SKAP2: variants seen among roughly 807,000 people sequenced by gnomAD.
SKAP2 encodes src kinase associated phosphoprotein 2.
Under a neutral mutation model 54.9 loss-of-function variants are expected in SKAP2, and 28 were observed. That is an observed-to-expected ratio of 0.51 (90% CI 0.38 to 0.70). SKAP2 has a LOEUF of 0.70. Among genes scored for constraint, SKAP2 ranks in the 30% least tolerant of loss-of-function variants. The probability of loss-of-function intolerance (pLI) is 0.00; values close to 1 mark genes in which losing one functional copy is unlikely to be tolerated. For missense variants in SKAP2, 356 were observed against 424.1 expected, an observed-to-expected ratio of 0.84 and a Z score of 1.41; for synonymous variants, 137 against 134.3, an observed-to-expected ratio of 1.02 and a Z score of -0.14.
the SKAP2 span, among the ~76,000 whole-genome samples, chr7:26,662,040 T>C: frequency 2.6e-4 from 40 of 152,184 alleles, no homozygotes; most frequent in African/African-American, 8.7e-4. Flanking sequence ...TGACTCCAAT[T>C]CCAGTGTTCT....
intron 4 of SKAP2, among the ~76,000 whole-genome samples, chr7:26,799,026 G>C (rs1486209055): frequency 6.7e-6 from 1 of 148,766 alleles, no homozygotes; most frequent in Non-Finnish European, 1.5e-5. Context: ...GAAGGAAAAA[G>C]GGGAGGGGAA....
intron 1 of SKAP2, chr7:26,857,310 TA>T (rs59046895): frequency 0.069 from 6,239 of 91,010 alleles, 225 homozygotes; most frequent in African/African-American, 0.1. Context: ...CTGCTTTGCT[TA>T]AAAAAAAAAA....
chr7:26,708,370 G>A (rs1400739807), intron 9 of SKAP2, among the ~76,000 whole-genome samples: 1 of 151,552 alleles, frequency 6.6e-6, no homozygotes, highest in Non-Finnish European at 1.5e-5. Context: ...TATTGTAGGG[G>A]CAAAAAAAAT....
At chr7:26,716,399 T>G (rs1787440142) in intron 9 of SKAP2, among the ~76,000 whole-genome samples, 1 of 152,208 alleles carries the variant, frequency 6.6e-6, no homozygotes, top group Admixed American at 6.5e-5. Flanking sequence ...AAATTCCATA[T>G]TATCTGATGT....
intron 4 of SKAP2, among the ~76,000 whole-genome samples, chr7:26,765,651 T>C (rs1448611314): frequency 2.6e-5 from 4 of 152,230 alleles, no homozygotes; most frequent in African/African-American, 9.6e-5. Context: ...TTGTATAATG[T>C]GTAAGGAAGG....
chr7:26,812,921 T>G (rs1219263304), intron 4 of SKAP2, among the ~76,000 whole-genome samples: 2 of 152,166 alleles, frequency 1.3e-5, no homozygotes, highest in African/African-American at 4.8e-5. Context: ...AAATTTATCT[T>G]TTCTCACTTG....
chr7:26,760,478 T>C (rs1362701511), intron 4 of SKAP2, among the ~76,000 whole-genome samples: 3 of 152,132 alleles, frequency 2.0e-5, no homozygotes, highest in Non-Finnish European at 4.4e-5. Context: ...TAGTACCGAA[T>C]CCTACATATA....
chr7:26,841,272 A>G (rs1162386656), intron 4 of SKAP2, among the ~76,000 whole-genome samples: 2 of 152,038 alleles, frequency 1.3e-5, no homozygotes, highest in Non-Finnish European at 2.9e-5. Flanking sequence ...TCAGCTCACA[A>G]TAACCTACAA....
chr7:26,778,424 C>T (rs972684293), intron 4 of SKAP2, among the ~76,000 whole-genome samples: 4 of 151,930 alleles, frequency 2.6e-5, no homozygotes, highest in South Asian at 4.2e-4. Flanking sequence ...ACTATGATTC[C>T]GCTAACAATC....
chr7:26,687,018 C>A (rs1786659685), intron 10 of SKAP2, among the ~76,000 whole-genome samples: 3 of 152,036 alleles, frequency 2.0e-5, no homozygotes. Context: ...GCTGTCCAGG[C>A]TGCTCTTCCT....
chr7:26,832,926 T>A (rs1468295736), intron 4 of SKAP2, among the ~76,000 whole-genome samples: 1 of 152,138 alleles, frequency 6.6e-6, no homozygotes, highest in Non-Finnish European at 1.5e-5. Flanking sequence ...CTTGGGTCCA[T>A]CCTCAAAAGC....
intron 11 of SKAP2, among the ~76,000 whole-genome samples, chr7:26,683,740 A>G (rs564562008): frequency 6.6e-6 from 1 of 152,294 alleles, no homozygotes; most frequent in South Asian, 2.1e-4. Flanking sequence ...TCTCTGTGTT[A>G]TGATTTTATG....
chr7:26,809,698 T>G (rs1413386394), intron 4 of SKAP2, among the ~76,000 whole-genome samples: 1 of 152,156 alleles, frequency 6.6e-6, no homozygotes, highest in Non-Finnish European at 1.5e-5. Context: ...AGTATGGAGC[T>G]TCCCCCAAAA....
chr7:26,799,092 G>GGGCAAGGCAAGGCAA (rs1382052905), intron 4 of SKAP2, among the ~76,000 whole-genome samples: 1 of 145,014 alleles, frequency 6.9e-6, no homozygotes, highest in Non-Finnish European at 1.5e-5. Context: ...AGGCAGGGCA[G>GGGCAAGGCAAGGCAA]GGCAAGGCAA....
At chr7:26,779,618 T>C (rs890232032) in intron 4 of SKAP2, among the ~76,000 whole-genome samples, 1 of 152,030 alleles carries the variant, frequency 6.6e-6, no homozygotes, top group Non-Finnish European at 1.5e-5. Flanking sequence ...TAGCTTCTTA[T>C]TGGGATTCTG....
chr7:26,735,037 A>G (rs1024501663), intron 6 of SKAP2, among the ~76,000 whole-genome samples: 1 of 152,058 alleles, frequency 6.6e-6, no homozygotes, highest in African/African-American at 2.4e-5. Flanking sequence ...AAGATACCTT[A>G]TTTAAATTAC....
the SKAP2 span, among the ~76,000 whole-genome samples, chr7:26,658,544 C>T: frequency 5.9e-5 from 9 of 151,642 alleles, no homozygotes; most frequent in African/African-American, 2.2e-4. Flanking sequence ...TGAACAAATA[C>T]CTCACTGTCA....
Position 26,684,163 on chromosome 7 carries a change from CATATAT to C in SKAP2, c.987+567_987+572del, listed in dbSNP as rs111915378. Among the ~76,000 whole-genome samples, 6 of 151,708 alleles carry C rather than the reference CATATAT, an allele frequency of 4.0e-5. No homozygotes were observed. In the South Asian group the frequency reaches 1.3e-3, roughly 32 times the overall value. ...TTATGTATATACACACACACATATA[CATATAT>C]ATATATGAAGATGGGTTTATAGAAT... is the stretch of plus-strand genomic sequence containing the variant. On this transcript the variant is annotated intron_variant, in intron 11 of 12. Transcript: ENST00000345317.
intron 3 of SKAP2, among the ~76,000 whole-genome samples, chr7:26,846,099 T>C (rs1006327499): frequency 2.6e-5 from 4 of 152,180 alleles, no homozygotes; most frequent in Non-Finnish European, 1.5e-5. Flanking sequence ...TGTTAGAGTA[T>C]CTTTACATTC....
Sources: gnomAD v4.1 joint callset for allele counts (sites outside exome capture counted in the v4.1 genomes callset) on GRCh38, gnomAD v4.1.1 for gene constraint, MANE v1.5 for transcripts, NCBI Gene and HGNC (gene_info 2026-07-23, HGNC 2026-07-21) for gene names.